Variants in C6orf136 observed in about 807,000 individuals in gnomAD.
C6orf136 encodes uncharacterized protein C6orf136.
In C6orf136, 29 loss-of-function variants were observed where a neutral mutation model predicts 44.0. That is an observed-to-expected ratio of 0.66 (90% CI 0.49 to 0.90). The LOEUF is 0.90. Among genes scored for constraint, C6orf136 ranks in the 40% least tolerant of loss-of-function variants. C6orf136 has a pLI of 0.00. For synonymous variants in C6orf136, 293 were observed against 278.6 expected (o/e 1.05, Z -0.52); for missense variants, 628 against 669.3 (o/e 0.94, Z 0.68).
chr6:30,649,757 G>T lies in C6orf136; in HGVS notation c.815G>T (p.Gly272Val). The change falls in exon 2 of 6, where the codon GGG becomes GTG. Residue 272 changes from glycine (G) to valine (V), a missense_variant. Coordinates refer to ENST00000651131, the MANE Select transcript of C6orf136 (RefSeq NM_001161376.2). ...SAWVVLPPGK[G>V]EEGPGPELHS... ...TGGGTGGTTCTCCCTCCAGGAAAGG[G>T]GGAGGAGGGACCAGGACCTGAGTTG... The T allele has an allele frequency of 6.2e-7, 1 of 1,614,014 alleles. No homozygotes were observed. The highest frequency in any genetic ancestry group is 8.5e-7 in the Non-Finnish European group (1 of 1,179,970).
At chr6:30,652,397 A>G (rs1490285387) in intron 4 of C6orf136, among the ~76,000 whole-genome samples, 1 of 152,208 alleles carries the variant, frequency 6.6e-6, no homozygotes, top group African/African-American at 2.4e-5. Flanking sequence ...CAAACATTGG[A>G]TATAAGTTTT....
Position 30,652,681 on chromosome 6 carries a change from T to C in C6orf136, c.1341T>C (p.Asn447=). The change falls in exon 5 of 6, where the codon AAT becomes AAC. Residue 447 remains asparagine, a synonymous_variant. Coordinates refer to ENST00000651131, the MANE Select transcript of C6orf136 (RefSeq NM_001161376.2). ...TYDAYSTFYL[N]SSGLICRHRL... ...ATGCCTACTCCACTTTCTACCTGAA[T>C]TCCAGTGGCCTCATTTGTCGCCATC... 1 of 1,613,112 alleles carries C rather than the reference T, an allele frequency of 6.2e-7. No homozygotes were observed.
chr6:30,649,326 G>A (rs191119400), intron 1 of C6orf136, among the ~76,000 whole-genome samples: 219 of 152,326 alleles, frequency 1.4e-3, no homozygotes, highest in African/African-American at 4.9e-3. Flanking sequence ...TCGTGCTACT[G>A]CACTCCAGCC....
intron 2 of C6orf136, 38 bp from the exon 3 acceptor site, chr6:30,650,956 T>C: frequency 3.4e-6 from 5 of 1,456,634 alleles, no homozygotes; most frequent in Non-Finnish European, 4.8e-6. Flanking sequence ...GATTATCTTT[T>C]CTTTCCCACT....
chr6:30,647,866 G>T lies in C6orf136; in HGVS notation c.615+20G>T. 6.8e-7 allele frequency: 1 copy of T among 1,466,038 alleles called. No individual in the cohort carries two copies. Among genetic ancestry groups the T allele is most frequent in the Non-Finnish European group, 9.0e-7 (1 of 1,109,638 alleles). 90.8% of individuals were successfully genotyped at this position (1,466,038 alleles called of 1,614,324 possible). On this transcript the variant is annotated intron_variant, in intron 1 of 5. Coordinates refer to ENST00000651131, the MANE Select transcript of C6orf136 (RefSeq NM_001161376.2). This position sits in a 1 kb window ranked among gnomAD's most constrained non-coding sequence, Gnocchi z 4.8. The stretch of plus-strand genomic sequence containing the variant: ...ACCGAGGTACCCGAGCGGTCCGCCC[G>T]CCTTCCCTGCAGTGAGACGATCCCC...
chr6:30,649,582 C>G lies in C6orf136; in HGVS notation c.640C>G (p.Pro214Ala), dbSNP rs1458507706. 6.3e-7 allele frequency: 1 copy of G among 1,587,174 alleles called. No homozygotes were observed. Among genetic ancestry groups the G allele is most frequent in the Non-Finnish European group, 8.5e-7 (1 of 1,173,332 alleles). The part of the protein sequence containing the change: ...TEDQLYPGTL[P>A]FPPLWPHSTT... Reference sequence around the variant, plus strand: ...GGACCAGCTTTATCCAGGGACTCTACCATTCCCACCCCTTTGGCCCCACTC... The same window carrying G: ...GGACCAGCTTTATCCAGGGACTCTAGCATTCCCACCCCTTTGGCCCCACTC... The change falls in exon 2 of 6, where the codon CCA (proline) becomes GCA (alanine). Residue 214 changes from proline to alanine, a missense_variant. Coordinates refer to ENST00000651131, the MANE Select transcript of C6orf136 (RefSeq NM_001161376.2).
rs1766994139 is a variant in C6orf136 at position 30,647,738 on chromosome 6, G to GCAGGAAGGCCGGC, written c.511_523dup (p.Val175GlyfsTer29). On this transcript the variant is annotated frameshift_variant, in exon 1 of 6. Coordinates refer to ENST00000651131, the MANE Select transcript of C6orf136 (RefSeq NM_001161376.2). LOFTEE classifies it high-confidence loss of function. The surrounding 1 kb of genome is among the most constrained non-coding windows in gnomAD (Gnocchi z 4.8). ...GTCTTGCACTCGGAGAGCGGTCCTG[G>GCAGGAAGGCCGGC]CAGGAAGGCCGGCCAGTGTGCACCC... The GCAGGAAGGCCGGC allele has an allele frequency of 1.3e-6, 2 of 1,549,526 alleles. No homozygotes were observed. Among genetic ancestry groups the GCAGGAAGGCCGGC allele is most frequent in the Admixed American group, 3.9e-5 (2 of 50,980 alleles).
intron 3 of C6orf136, 73 bp downstream of exon 3, chr6:30,651,155 TC>T: frequency 6.4e-7 from 1 of 1,568,734 alleles, no homozygotes. Context: ...CCTTTTCACT[TC>T]CCAGAGAAGT....
Position 30,649,651 on chromosome 6 carries a change from C to T in C6orf136, c.709C>T (p.Leu237=), listed in dbSNP as rs370288620. ...SPSSPLFWSP[L]PPRLPTQRLP... ...ATCTTCTCCTCTATTCTGGTCTCCCCTGCCCCCACGCCTTCCCACCCAGCG... is the reference window on the plus strand; with the variant it reads ...ATCTTCTCCTCTATTCTGGTCTCCCTTGCCCCCACGCCTTCCCACCCAGCG... The change falls in exon 2 of 6, where the codon CTG becomes TTG. Residue 237 remains leucine (L), a synonymous_variant. Coordinates refer to ENST00000651131, the MANE Select transcript of C6orf136 (RefSeq NM_001161376.2). 5.0e-6 allele frequency: 8 copies of T among 1,606,518 alleles called. No homozygotes were observed. The highest frequency in any genetic ancestry group is 6.8e-6 in the Non-Finnish European group (8 of 1,177,648).
At chr6:30,652,539 G>A (rs752035118) in intron 4 of C6orf136, 109 bp from the exon 5 acceptor site, 25 of 962,842 alleles carry the variant, frequency 2.6e-5, no homozygotes, top group Non-Finnish European at 4.2e-5. Context: ...AGTTGCCCAG[G>A]TGATCTAATA....
In C6orf136 at chr6:30,651,282, A is replaced by T; in HGVS notation, c.1123A>T (p.Ile375Phe). ...NIRTKGRTWY[I>F]LSLTLCRFLA... is the part of the protein sequence containing the mutation. ...TCTTCACAGGGGCCGGACATGGTACATTCTTTCACTGACCCTCTGCCGTTT... is the reference window on the plus strand; with the variant it reads ...TCTTCACAGGGGCCGGACATGGTACTTTCTTTCACTGACCCTCTGCCGTTT... The change falls in exon 4 of 6, where the codon ATT (isoleucine) becomes TTT (phenylalanine). Residue 375 changes from isoleucine to phenylalanine, a missense_variant. By Grantham distance (21) the Ile-to-Phe change is conservative. Transcript: ENST00000651131. The T allele has an allele frequency of 6.2e-7, 1 of 1,614,056 alleles. No individual in the cohort carries two copies. Among genetic ancestry groups the T allele is most frequent in the Non-Finnish European group, 8.5e-7 (1 of 1,180,030 alleles).
In C6orf136 at chr6:30,649,756, G is replaced by A. The variant is rs369829820; in HGVS notation, c.814G>A (p.Gly272Arg). 9.9e-6 allele frequency: 16 copies of A among 1,613,896 alleles called. No homozygotes were observed. The highest frequency in any genetic ancestry group is 1.7e-5 in the Admixed American group (1 of 59,984). ...SAWVVLPPGK[G>R]EEGPGPELHS... ...ATGGGTGGTTCTCCCTCCAGGAAAG[G>A]GGGAGGAGGGACCAGGACCTGAGTT... is the stretch of plus-strand genomic sequence containing the variant. The change falls in exon 2 of 6, where the codon GGG becomes AGG. Residue 272 changes from glycine (G) to arginine (R), a missense_variant. Transcript: ENST00000651131.
Position 30,653,185 on chromosome 6 carries a change from T to C in C6orf136, c.*270T>C. 1 of 1,565,908 alleles carries C rather than the reference T, an allele frequency of 6.4e-7. No individual in the cohort carries two copies. The highest frequency in any genetic ancestry group is 8.6e-7 in the Non-Finnish European group (1 of 1,160,294). On this transcript the variant is annotated 3_prime_UTR_variant, in exon 6 of 6. Transcript: ENST00000651131. ...CAAAAATAATTTTATTTAATAGGTA[T>C]TAAATAATGTATAGAAGGAAAAGGA...
rs1226790668 is a variant in C6orf136, at chr6:30,649,766, G to A, written c.824G>A (p.Gly275Glu). Residue 275 changes from glycine (G) to glutamate (E), a missense_variant, in exon 2 of 6, where the codon GGA (glycine) becomes GAA (glutamate). By Grantham distance (98) the Gly-to-Glu change is moderately conservative. This residue lies in a region of C6orf136 where 497 missense variants were observed against 469.2 expected (regional missense o/e 1.06). Coordinates refer to ENST00000651131, the MANE Select transcript of C6orf136 (RefSeq NM_001161376.2). ...VVLPPGKGEE[G>E]PGPELHSGCL... is the part of the protein sequence containing the mutation. Reference sequence around the variant, plus strand: ...CTCCCTCCAGGAAAGGGGGAGGAGGGACCAGGACCTGAGTTGCATAGCGGC... The same window carrying A: ...CTCCCTCCAGGAAAGGGGGAGGAGGAACCAGGACCTGAGTTGCATAGCGGC... The A allele has an allele frequency of 6.2e-7, 1 of 1,613,904 alleles. No homozygotes were observed. Among genetic ancestry groups the A allele is most frequent in the African/African-American group, 1.3e-5 (1 of 74,868 alleles).
Position 30,652,810 on chromosome 6 carries a change from T to A in C6orf136, c.1386T>A (p.Pro462=). Residue 462 remains proline (P), a synonymous_variant, in exon 6 of 6, where the codon CCT becomes CCA. Transcript: ENST00000651131. ...ICRHRLDKLM[P]SHSPPTPVKK... ...AACCTTTCTCCCTGCAGCTGATGCC[T>A]TCACACTCACCTCCAACGCCTGTGA... 1 of 1,613,052 alleles carries A rather than the reference T, an allele frequency of 6.2e-7. No homozygotes were observed. The highest frequency in any genetic ancestry group is 1.3e-5 in the African/African-American group (1 of 75,044).
At chr6:30,648,421 T>A (rs1767077436) in intron 1 of C6orf136, among the ~76,000 whole-genome samples, 1 of 147,332 alleles carries the variant, frequency 6.8e-6, no homozygotes, top group Non-Finnish European at 1.5e-5. Flanking sequence ...TTTTTTGAAA[T>A]GGAGTCTTGC....
rs1418401211 is a variant in C6orf136 at position 30,647,998 on chromosome 6, A to G, written c.615+152A>G. ...CCCAGGAGAGTGAAGGCCAGCCTTT[A>G]ACTGTCTCCTGAGGTTGTGTCTGTC... is the stretch of plus-strand genomic sequence containing the variant. On this transcript the variant is annotated intron_variant, in intron 1 of 5. Coordinates refer to ENST00000651131, the MANE Select transcript of C6orf136 (RefSeq NM_001161376.2). The surrounding 1 kb of genome is among the most constrained non-coding windows in gnomAD (Gnocchi z 4.8). Among the ~76,000 whole-genome samples, 1 of 152,188 alleles carries G rather than the reference A, an allele frequency of 6.6e-6. No homozygotes were observed. Among genetic ancestry groups the G allele is most frequent in the East Asian group, 1.9e-4 (1 of 5,196 alleles).
Position 30,649,701 on chromosome 6 carries a change from TCTCC to T in C6orf136, c.763_766del (p.Pro255ArgfsTer81), listed in dbSNP as rs1767225676. The T allele has an allele frequency of 6.2e-7, 1 of 1,610,840 alleles. No homozygotes were observed. ...GTCTTCCCCAGGTTCCCCCACTACC[TCTCC>T]CTCAGATCCAGGCCCTCAGCTCAGC... On this transcript the variant is annotated frameshift_variant, in exon 2 of 6. Coordinates refer to ENST00000651131, the MANE Select transcript of C6orf136 (RefSeq NM_001161376.2). LOFTEE classifies it high-confidence loss of function.
intron 2 of C6orf136, 119 bp from the exon 3 acceptor site, chr6:30,650,875 G>C (rs903048381): frequency 1.4e-5 from 10 of 701,548 alleles, no homozygotes; most frequent in Non-Finnish European, 2.4e-5. Flanking sequence ...TTGTACCTCT[G>C]TACTCCAGCC....
Sources: gnomAD v4.1 joint callset for allele counts (sites outside exome capture counted in the v4.1 genomes callset) on GRCh38, gnomAD v4.1.1 for gene constraint, gnomAD v4.1.1 regional missense constraint, Gnocchi (gnomAD v3.1) non-coding constraint, MANE v1.5 for transcripts, NCBI Gene and HGNC (gene_info 2026-07-23, HGNC 2026-07-21) for gene names.